Variants in RIMS2 observed in about 807,000 individuals in gnomAD.
RIMS2 encodes regulating synaptic membrane exocytosis 2.
RIMS2 carries 59 observed loss-of-function variants against 174.4 expected under a neutral mutation model. The ratio of observed to expected loss-of-function variants is 0.34; its 90% confidence interval spans 0.27 to 0.42. The LOEUF is 0.42. RIMS2 is among the 10% of genes least tolerant of loss of function. The pLI, the probability that RIMS2 is intolerant of heterozygous loss-of-function variation, is 1.00. For synonymous variants in RIMS2, 606 were observed against 572.5 expected (o/e 1.06, Z -0.84); for missense variants, 1,620 against 1,666.3 (o/e 0.97, Z 0.48).
intron 1 of RIMS2, among the ~76,000 whole-genome samples, chr8:103,604,659 T>A (rs2094954726): frequency 6.8e-6 from 1 of 146,160 alleles, no homozygotes; most frequent in Admixed American, 6.8e-5. Flanking sequence ...TTTGTTTGTA[T>A]CCTCTTTTAT....
chr8:103,816,677 A>G (rs371007605), intron 3 of RIMS2, among the ~76,000 whole-genome samples: 122 of 152,274 alleles, frequency 8.0e-4, no homozygotes, highest in African/African-American at 2.8e-3. Flanking sequence ...AAGGTGGAAG[A>G]GATCATTTCT....
At chr8:104,161,709 T>C (rs969218240) in intron 19 of RIMS2, among the ~76,000 whole-genome samples, 1 of 152,202 alleles carries the variant, frequency 6.6e-6, no homozygotes, top group African/African-American at 2.4e-5. Flanking sequence ...TAAGACTAGG[T>C]GAGCTCTACT....
At chr8:103,958,617 G>T (rs1205635945) in intron 14 of RIMS2, among the ~76,000 whole-genome samples, 1 of 152,082 alleles carries the variant, frequency 6.6e-6, no homozygotes, top group South Asian at 2.1e-4. Flanking sequence ...AAAGAAAATA[G>T]AACTTGATCT....
chr8:103,845,209 T>G (rs1165762448), intron 3 of RIMS2, among the ~76,000 whole-genome samples: 1 of 152,112 alleles, frequency 6.6e-6, no homozygotes. Context: ...ACATCCAAAA[T>G]CTCTTGCTTG....
chr8:103,969,869 C>T (rs1421889353), intron 15 of RIMS2, among the ~76,000 whole-genome samples: 1 of 152,154 alleles, frequency 6.6e-6, no homozygotes, highest in African/African-American at 2.4e-5. Flanking sequence ...CAGCTTCAGC[C>T]TCCTTACTAG....
intron 13 of RIMS2, among the ~76,000 whole-genome samples, chr8:103,937,828 A>T (rs1251619352): frequency 6.6e-6 from 1 of 152,192 alleles, no homozygotes. Context: ...ATTTGGATTT[A>T]TCTGGTCGAT....
chr8:103,538,852 C>T (rs764785843), intron 1 of RIMS2, among the ~76,000 whole-genome samples: 1 of 152,214 alleles, frequency 6.6e-6, no homozygotes, highest in South Asian at 2.1e-4. Context: ...CATAGCTTAG[C>T]TCCCACATAT....
intron 1 of RIMS2, among the ~76,000 whole-genome samples, chr8:103,639,112 C>A (rs758757696): frequency 4.6e-5 from 7 of 151,932 alleles, no homozygotes; most frequent in African/African-American, 1.4e-4. Context: ...AGTATGGAAA[C>A]AAACTTACCA....
At chr8:103,865,284 CT>C (rs67300843) in intron 3 of RIMS2, among the ~76,000 whole-genome samples, 1,748 of 119,650 alleles carry the variant, frequency 0.015, 8 homozygotes, top group Middle Eastern at 0.032. Context: ...CAGTTTTTTT[CT>C]TTTTTTTTTT....
intron 1 of RIMS2, 31 bp downstream of exon 2, chr8:103,652,268 T>A (rs773795738): frequency 7.7e-7 from 1 of 1,301,610 alleles, no homozygotes. Context: ...TGTAGTAGGC[T>A]TGACTTCTGT....
At chr8:104,225,342 G>C (rs2099180658) in intron 19 of RIMS2, among the ~76,000 whole-genome samples, 1 of 152,062 alleles carries the variant, frequency 6.6e-6, no homozygotes, top group Non-Finnish European at 1.5e-5. Context: ...CAGCTCCCAA[G>C]CTATACTAGA....
intron 16 of RIMS2, among the ~76,000 whole-genome samples, chr8:103,987,194 G>A (rs915438985): frequency 2.0e-5 from 3 of 150,524 alleles, no homozygotes; most frequent in South Asian, 2.1e-4. Context: ...GTCTCACTAT[G>A]TTGCCCAGGC....
chr8:103,570,397 G>T (rs558418173), intron 1 of RIMS2, among the ~76,000 whole-genome samples: 1 of 152,156 alleles, frequency 6.6e-6, no homozygotes, highest in South Asian at 2.1e-4. Context: ...GCAATTTTTT[G>T]AGTTCTTTAA....
At chr8:103,968,667 G>T (rs1444593386) in intron 15 of RIMS2, among the ~76,000 whole-genome samples, 1 of 151,464 alleles carries the variant, frequency 6.6e-6, no homozygotes, top group African/African-American at 2.4e-5. Context: ...GCTGTCATTC[G>T]ACTTAAATTT....
intron 19 of RIMS2, among the ~76,000 whole-genome samples, chr8:104,128,716 A>G (rs1203349583): frequency 2.0e-5 from 3 of 152,086 alleles, no homozygotes; most frequent in African/African-American, 7.2e-5. Flanking sequence ...AAAAAATAAA[A>G]AATCTATCTC....
intron 19 of RIMS2, among the ~76,000 whole-genome samples, chr8:104,078,614 T>G (rs1349170114): frequency 6.6e-6 from 1 of 152,224 alleles, no homozygotes; most frequent in Non-Finnish European, 1.5e-5. Flanking sequence ...AGGACTTCAG[T>G]ATAGGAATTT....
At chr8:103,836,048 C>G (rs542083023) in intron 3 of RIMS2, among the ~76,000 whole-genome samples, 1 of 152,038 alleles carries the variant, frequency 6.6e-6, no homozygotes, top group African/African-American at 2.4e-5. Flanking sequence ...TTTTCTTTAC[C>G]TTCTAACTGG....
At chr8:103,539,562 G>A (rs151299820) in intron 1 of RIMS2, among the ~76,000 whole-genome samples, 1 of 152,332 alleles carries the variant, frequency 6.6e-6, no homozygotes, top group Non-Finnish European at 1.5e-5. Flanking sequence ...GAGACTATCA[G>A]TATGAGCTAT....
chr8:104,063,867 C>A (rs1264057435), intron 19 of RIMS2, among the ~76,000 whole-genome samples: 4 of 152,162 alleles, frequency 2.6e-5, no homozygotes, highest in African/African-American at 9.6e-5. Context: ...GGGGCATGCT[C>A]ATGCTCTTTC....
Sources: allele counts gnomAD v4.1 joint callset (sites outside exome capture counted in the v4.1 genomes callset), GRCh38; gene constraint gnomAD v4.1.1; transcripts MANE v1.5; gene names NCBI Gene and HGNC (gene_info 2026-07-23, HGNC 2026-07-21).